Variants in LINC00632 observed in about 807,000 individuals in gnomAD.
LINC00632 encodes the protein long independently transcribed non-coding RNA 632, also known as ALDOA related specific transcript.
At chrX:140,721,885 C>CCCCAAAATA (rs749930544) in intron 2 of LINC00632, among the ~76,000 whole-genome samples, 1 of 110,778 alleles carries the variant, frequency 9.0e-6, no homozygotes, top group Non-Finnish European at 1.9e-5. Context: ...GCTGGATTTA[C>CCCCAAAATA]CCCCAAAATA....
chrX:140,760,205 A>T (rs780658457), intron 3 of LINC00632, among the ~76,000 whole-genome samples: 44 of 111,738 alleles, frequency 3.9e-4, no homozygotes, highest in Non-Finnish European at 7.7e-4. Flanking sequence ...TGGTCTAAGC[A>T]CTCATTGAAC....
chrX:140,730,015 T>C (rs1440956195), intron 2 of LINC00632, among the ~76,000 whole-genome samples: 1 of 108,696 alleles, frequency 9.2e-6, no homozygotes, highest in Non-Finnish European at 1.9e-5. Context: ...TAGCTGAGAC[T>C]ACAGGCGCAC....
At chrX:140,736,436 C>CTTTTTTT (rs748293491) in intron 3 of LINC00632, among the ~76,000 whole-genome samples, 7 of 50,060 alleles carry the variant, frequency 1.4e-4, no homozygotes, top group African/African-American at 2.3e-4. Context: ...TCTTCTTCTT[C>CTTTTTTT]TTTTTTTTTT....
At chrX:140,783,413 C>T (rs1931962399) in exon 5 of LINC00632, 1 of 537,327 alleles carries the variant, frequency 1.9e-6, no homozygotes, top group Admixed American at 4.0e-5. Context: ...CCACCAAATC[C>T]AGATCTTCCA....
chrX:140,788,702 T>C (rs893559676), exon 5 of LINC00632, among the ~76,000 whole-genome samples: 1 of 107,572 alleles, frequency 9.3e-6, no homozygotes, highest in Non-Finnish European at 1.9e-5. Flanking sequence ...AGTGTTGATA[T>C]GTTAACAATA....
intron 3 of LINC00632, among the ~76,000 whole-genome samples, chrX:140,769,746 A>G (rs1931758851): frequency 9.1e-6 from 1 of 110,056 alleles, no homozygotes; most frequent in South Asian, 4.0e-4. Flanking sequence ...TCCCTCATCT[A>G]ATTCCACGCG....
chrX:140,789,343 T>C (rs1259110955), exon 5 of LINC00632, among the ~76,000 whole-genome samples: 1 of 111,029 alleles, frequency 9.0e-6, no homozygotes, highest in Non-Finnish European at 1.9e-5. Context: ...CTGTATTATT[T>C]ATTCAATTCT....
At chrX:140,744,039 G>A in intron 3 of LINC00632, among the ~76,000 whole-genome samples, 1 of 111,661 alleles carries the variant, frequency 9.0e-6, no homozygotes, top group South Asian at 3.8e-4. Context: ...TGAGGAAGAG[G>A]GGTTTATTGC....
chrX:140,789,970 T>A (rs1047882729), exon 5 of LINC00632, among the ~76,000 whole-genome samples: 1 of 111,670 alleles, frequency 9.0e-6, no homozygotes, highest in Non-Finnish European at 1.9e-5. Flanking sequence ...TTTTATAGTT[T>A]CTTGTTTTTG....
At chrX:140,788,849 A>G (rs757614573) in exon 5 of LINC00632, among the ~76,000 whole-genome samples, 2 of 98,975 alleles carry the variant, frequency 2.0e-5, no homozygotes, top group East Asian at 3.1e-4. Context: ...GTATATATGT[A>G]TATTCCATAT....
rs189516942 is a variant in LINC00632 at position 140,719,828 on chromosome X, G to A, written n.104+8172G>A. 5.1e-3 allele frequency among the ~76,000 whole-genome samples: 550 copies of A among 108,700 alleles called. 2 individuals are homozygous for A. The highest frequency in any genetic ancestry group is 0.017 in the African/African-American group (512 of 29,926). The allele number at this position is 108,700 out of a possible 115,157, so 94.4% of individuals were successfully genotyped here. On this transcript the variant is annotated intron_variant and non_coding_transcript_variant, in intron 2 of 4. Coordinates refer to ENST00000648200, the Ensembl canonical transcript of LINC00632. ...TCCCAGGCCAGGTGTGGTGGCTCAC[G>A]CCTGTAATCCCCGCACTTTGGGAGG... is the stretch of plus-strand genomic sequence containing the variant.
In LINC00632 at chrX:140,768,478, G is replaced by A. The variant is rs975101185; in HGVS notation, n.192-3600G>A. ...TAGTAATCTTAGAAGCTGTGAAAGA[G>A]CACTGCTGCTTCCTCTCTCTGGGCC... On this transcript the variant is annotated intron_variant and non_coding_transcript_variant, in intron 3 of 4. Coordinates refer to ENST00000648200, the Ensembl canonical transcript of LINC00632. 4.7e-5 allele frequency among the ~76,000 whole-genome samples: 5 copies of A among 105,334 alleles called. No individual in the cohort carries two copies. The East Asian group carries it at 1.5e-3, about 31-fold the overall frequency. 91.5% of individuals were successfully genotyped at this position (105,334 alleles called of 115,157 possible).
exon 5 of LINC00632, among the ~76,000 whole-genome samples, chrX:140,786,092 C>G (rs955302414): frequency 8.9e-6 from 1 of 111,815 alleles, no homozygotes; most frequent in Admixed American, 9.5e-5. Context: ...AGCATGAAAA[C>G]CACATAATTA....
exon 5 of LINC00632, among the ~76,000 whole-genome samples, chrX:140,779,095 C>T (rs1931905748): frequency 9.0e-6 from 1 of 111,268 alleles, no homozygotes; most frequent in Admixed American, 9.6e-5. Flanking sequence ...AAGAAAAGCC[C>T]CCCAAATATC....
exon 4 of LINC00632, chrX:140,772,744 C>A (rs780370823): frequency 8.2e-6 from 1 of 122,239 alleles, no homozygotes; most frequent in South Asian, 3.7e-4. Flanking sequence ...ACTCAAAATG[C>A]CACAATAGGG....
intron 2 of LINC00632, chrX:140,716,207 T>G (rs1930625381): frequency 8.9e-6 from 1 of 111,892 alleles, no homozygotes; most frequent in South Asian, 3.8e-4. Flanking sequence ...ACAGCTTGTG[T>G]AATAGTTACC....
chrX:140,732,260 A>G (rs1029536323), intron 2 of LINC00632, among the ~76,000 whole-genome samples: 47 of 112,032 alleles, frequency 4.2e-4, no homozygotes, highest in African/African-American at 1.5e-3. Context: ...CCATGCATAA[A>G]GAGCTCTATA....
chrX:140,736,617 A>G (rs1422521025), intron 3 of LINC00632, among the ~76,000 whole-genome samples: 1 of 107,030 alleles, frequency 9.3e-6, no homozygotes. Context: ...TTGTATGTTT[A>G]GTAGAGACGG....
chrX:140,737,385 C>G (rs1268002038), intron 3 of LINC00632, among the ~76,000 whole-genome samples: 1 of 111,144 alleles, frequency 9.0e-6, no homozygotes, highest in Non-Finnish European at 1.9e-5. Flanking sequence ...AATTTTGTTA[C>G]ATGCCTAGAA....
Sources: allele counts gnomAD v4.1 joint callset (sites outside exome capture counted in the v4.1 genomes callset), GRCh38; gene constraint gnomAD v4.1.1; transcripts MANE v1.5; gene names NCBI Gene and HGNC (gene_info 2026-07-23, HGNC 2026-07-21).